BTBD9: variants seen among roughly 807,000 people sequenced by gnomAD.
BTBD9 encodes the protein BTB/POZ domain-containing protein 9.
In BTBD9, 49 loss-of-function variants were observed where a neutral mutation model predicts 64.3. That is an observed-to-expected ratio of 0.76 (90% CI 0.61 to 0.97). The LOEUF is 0.97. Among genes scored for constraint, BTBD9 ranks in the 50% least tolerant of loss-of-function variants. BTBD9 has a pLI of 0.00. For synonymous variants in BTBD9, 260 were observed against 274.7 expected (o/e 0.95, Z 0.53); for missense variants, 598 against 762.1 (o/e 0.78, Z 2.53).
At chr6:38,377,282 T>C (rs1439827699) in intron 6 of BTBD9, among the ~76,000 whole-genome samples, 1 of 152,190 alleles carries the variant, frequency 6.6e-6, no homozygotes, top group Non-Finnish European at 1.5e-5. Flanking sequence ...GAAGAAACCA[T>C]GTCGGTCACA....
intron 6 of BTBD9, among the ~76,000 whole-genome samples, chr6:38,473,214 G>C (rs1167180502): frequency 6.6e-6 from 1 of 152,130 alleles, no homozygotes; most frequent in Non-Finnish European, 1.5e-5. Flanking sequence ...CTGCAATTCA[G>C]TAGGACAAAT....
At chr6:38,489,581 G>A (rs1002454962) in intron 6 of BTBD9, among the ~76,000 whole-genome samples, 3 of 152,126 alleles carry the variant, frequency 2.0e-5, no homozygotes, top group Non-Finnish European at 4.4e-5. Context: ...ATTCCATTGT[G>A]TGTATGTATA....
chr6:38,567,248 G>A (rs1775563663), intron 6 of BTBD9, among the ~76,000 whole-genome samples: 1 of 152,158 alleles, frequency 6.6e-6, no homozygotes, highest in African/African-American at 2.4e-5. Flanking sequence ...TTTGCAAAAT[G>A]AGATGAACTA....
intron 7 of BTBD9, among the ~76,000 whole-genome samples, chr6:38,293,012 T>C (rs1762018570): frequency 6.6e-6 from 1 of 152,186 alleles, no homozygotes; most frequent in African/African-American, 2.4e-5. Flanking sequence ...GATTCTGGTA[T>C]GTTGTGTCTT....
intron 6 of BTBD9, among the ~76,000 whole-genome samples, chr6:38,538,495 T>C (rs1026386928): frequency 2.0e-5 from 3 of 152,180 alleles, no homozygotes; most frequent in Non-Finnish European, 4.4e-5. Flanking sequence ...TTAACATTCT[T>C]ATATATAAGC....
intron 9 of BTBD9, among the ~76,000 whole-genome samples, chr6:38,254,805 T>C (rs1051996377): frequency 1.3e-5 from 2 of 152,226 alleles, no homozygotes; most frequent in Non-Finnish European, 2.9e-5. Context: ...CCCTCAGCCA[T>C]TGCTGGTGGG....
At chr6:38,259,681 G>A (rs767775328) in intron 8 of BTBD9, among the ~76,000 whole-genome samples, 1 of 152,104 alleles carries the variant, frequency 6.6e-6, no homozygotes, top group Non-Finnish European at 1.5e-5. Context: ...CCTCCTAAAG[G>A]GCTCGCCTTC....
chr6:38,497,100 A>C (rs1298796170), intron 6 of BTBD9, among the ~76,000 whole-genome samples: 2 of 152,244 alleles, frequency 1.3e-5, no homozygotes, highest in Non-Finnish European at 2.9e-5. Flanking sequence ...AGCAAATGAC[A>C]GATGGGTCTA....
intron 9 of BTBD9, among the ~76,000 whole-genome samples, chr6:38,208,182 G>A (rs1006388126): frequency 2.0e-5 from 3 of 152,160 alleles, no homozygotes; most frequent in African/African-American, 4.8e-5. Flanking sequence ...CTGAGCTTAC[G>A]GCAGTGACGG....
intron 6 of BTBD9, among the ~76,000 whole-genome samples, chr6:38,487,453 T>C (rs1771498144): frequency 1.3e-5 from 2 of 152,144 alleles, no homozygotes; most frequent in Admixed American, 1.3e-4. Flanking sequence ...TGGTGGCACA[T>C]GCCTGTAATC....
At chr6:38,515,870 G>GATC (rs1773002902) in intron 6 of BTBD9, among the ~76,000 whole-genome samples, 1 of 152,176 alleles carries the variant, frequency 6.6e-6, no homozygotes, top group Non-Finnish European at 1.5e-5. Context: ...ACAGAGGGTG[G>GATC]ATCAATGTGC....
chr6:38,413,930 G>A (rs866889844), intron 6 of BTBD9, among the ~76,000 whole-genome samples: 19 of 151,948 alleles, frequency 1.3e-4, no homozygotes, highest in East Asian at 3.8e-4. Context: ...TGGGGTTTTC[G>A]TGAAGACTGA....
chr6:38,181,562 T>C (rs1211498566), intron 10 of BTBD9, among the ~76,000 whole-genome samples: 5 of 152,220 alleles, frequency 3.3e-5, no homozygotes, highest in Non-Finnish European at 5.9e-5. Context: ...GAGCAGAAGG[T>C]AACAGTCCAT....
chr6:38,277,436 C>T (rs903459120), intron 8 of BTBD9, among the ~76,000 whole-genome samples: 2 of 151,844 alleles, frequency 1.3e-5, no homozygotes, highest in Admixed American at 6.6e-5. Flanking sequence ...TGTGCTCAAG[C>T]GATTCTCTTG....
In BTBD9 at chr6:38,296,874, G is replaced by A. The variant is rs143376691; in HGVS notation, c.1265-8413C>T. On this transcript the variant is annotated intron_variant, in intron 7 of 10. Coordinates refer to ENST00000481247, the MANE Select transcript of BTBD9 (RefSeq NM_001099272.2). ...GTGGAAAAAAAACTGTGGTGTGTCC[G>A]ATGTGACTTCGTAAAATCTTAGATT... Among the ~76,000 whole-genome samples the A allele has an allele frequency of 7.9e-5, 12 of 152,238 alleles. No homozygotes were observed. The East Asian group carries it at 9.6e-4, about 12-fold the overall frequency.
intron 6 of BTBD9, among the ~76,000 whole-genome samples, chr6:38,525,989 G>GC (rs1773468047): frequency 6.6e-6 from 1 of 152,224 alleles, no homozygotes; most frequent in Non-Finnish European, 1.5e-5. Flanking sequence ...ATAAAAGCTG[G>GC]CTGCAGAAAT....
At chr6:38,623,813 C>A (rs924323023) in intron 1 of BTBD9, among the ~76,000 whole-genome samples, 2 of 152,212 alleles carry the variant, frequency 1.3e-5, no homozygotes, top group African/African-American at 4.8e-5. Flanking sequence ...GGCCATCAAG[C>A]TACAGATGGT....
chr6:38,594,402 T>C (rs1267063346), intron 2 of BTBD9, 75 bp from the exon 3 acceptor site: 2 of 1,468,664 alleles, frequency 1.4e-6, no homozygotes, highest in Non-Finnish European at 9.0e-7. Context: ...ATAACAGTTA[T>C]CAACATTATG....
At chr6:38,617,711 A>G (rs921380792) in intron 1 of BTBD9, among the ~76,000 whole-genome samples, 2 of 152,152 alleles carry the variant, frequency 1.3e-5, no homozygotes, top group African/African-American at 4.8e-5. Flanking sequence ...AGAAGTGAGG[A>G]CAAAAGACGT....
Sources: allele counts gnomAD v4.1 joint callset (sites outside exome capture counted in the v4.1 genomes callset), GRCh38; gene constraint gnomAD v4.1.1; transcripts MANE v1.5; gene names NCBI Gene and HGNC (gene_info 2026-07-23, HGNC 2026-07-21).